The following ALG14 variants were observed in gnomAD, a reference collection of about 807,000 sequenced individuals.
ALG14 encodes the protein UDP-N-acetylglucosamine transferase subunit ALG14.
In ALG14, 17 loss-of-function variants were observed where a neutral mutation model predicts 22.8. The ratio of observed to expected loss-of-function variants is 0.75; its 90% CI spans 0.51 to 1.12. The LOEUF is 1.12. Ranked by LOEUF, ALG14 falls within the 50% of genes most tolerant of loss-of-function variation. ALG14 has a pLI of 0.00. For missense variants in ALG14, 288 were observed against 271.8 expected (o/e 1.06, Z -0.42); for synonymous variants, 89 against 103.7 (o/e 0.86, Z 0.86).
At chr1:95,031,628 C>T (rs1421706022) in intron 2 of ALG14, among the ~76,000 whole-genome samples, 1 of 152,160 alleles carries the variant, frequency 6.6e-6, no homozygotes, top group Admixed American at 6.5e-5. Flanking sequence ...TCTTTCCTGA[C>T]TAGCCTTTCT....
intron 2 of ALG14, among the ~76,000 whole-genome samples, chr1:95,061,045 G>T (rs901482915): frequency 6.6e-6 from 1 of 152,224 alleles, no homozygotes; most frequent in Non-Finnish European, 1.5e-5. Context: ...GAGTGACGTA[G>T]CTGCAAGCTA....
At chr1:95,064,760 C>T (rs1571680024) in intron 2 of ALG14, 106 bp downstream of exon 2, 1 of 904,082 alleles carries the variant, frequency 1.1e-6, no homozygotes, top group South Asian at 3.0e-5. Flanking sequence ...AAACATTTGA[C>T]TGCCCATTGT....
intron 1 of ALG14, 138 bp downstream of exon 1, chr1:95,072,625 C>G: frequency 7.6e-7 from 1 of 1,308,364 alleles, no homozygotes; most frequent in Non-Finnish European, 1.0e-6. Context: ...CTGCCCGGTT[C>G]CGGCAAGGCA....
chr1:95,053,615 C>A (rs949237998), intron 2 of ALG14, among the ~76,000 whole-genome samples: 3 of 152,058 alleles, frequency 2.0e-5, no homozygotes, highest in Non-Finnish European at 2.9e-5. Flanking sequence ...GGCTTGAGTG[C>A]AGTGGCATGA....
At chr1:95,051,312 C>G (rs1389889672) in intron 2 of ALG14, among the ~76,000 whole-genome samples, 1 of 152,166 alleles carries the variant, frequency 6.6e-6, no homozygotes, top group Non-Finnish European at 1.5e-5. Flanking sequence ...TTCTCTCACA[C>G]CCTACATCTT....
chr1:94,978,389 A>G lies in ALG14; in HGVS notation c.*4687T>C, dbSNP rs1672436475. On this transcript the variant is annotated 3_prime_UTR_variant, in exon 4 of 4. Coordinates refer to ENST00000370205, the MANE Select transcript of ALG14 (RefSeq NM_144988.4). ...TAATTTATGTATTTAATTAGTGCCTATGTTTTGTACAGAGCTGTGGTGTAA... is the reference window on the plus strand; with the variant it reads ...TAATTTATGTATTTAATTAGTGCCTGTGTTTTGTACAGAGCTGTGGTGTAA... 1 of 152,200 alleles carries G rather than the reference A, an allele frequency of 6.6e-6. No individual in the cohort carries two copies. Among genetic ancestry groups the G allele is most frequent in the East Asian group, 1.9e-4 (1 of 5,196 alleles). The allele number at this position is 152,200 out of a possible 1,614,324, so 9.4% of individuals were successfully genotyped here. A position where few individuals can be genotyped will look rare whatever the true frequency, so the allele number is the denominator to read the frequency against.
rs1027580600 is a variant in ALG14, at chr1:94,977,592, T to C, written c.*5484A>G. 2.0e-5 allele frequency: 3 copies of C among 152,206 alleles called. No individual in the cohort carries two copies. The highest frequency in any genetic ancestry group is 4.4e-5 in the Non-Finnish European group (3 of 68,026). The allele number at this position is 152,206 out of a possible 1,614,324, so 9.4% of individuals were successfully genotyped here. A position where few individuals can be genotyped will look rare whatever the true frequency, so the allele number is the denominator to read the frequency against. On this transcript the variant is annotated 3_prime_UTR_variant, in exon 4 of 4. Transcript: ENST00000370205. ...TCTTGCGTTTAAAATTTTTGTCTAG[T>C]TTCTACAATGGTAAATATTGACAAA...
At chr1:95,033,656 G>C (rs1047749879) in intron 2 of ALG14, among the ~76,000 whole-genome samples, 1 of 151,882 alleles carries the variant, frequency 6.6e-6, no homozygotes, top group African/African-American at 2.4e-5. Flanking sequence ...AGATCTATGA[G>C]GTTGCCAGGG....
rs533826478 is a variant in ALG14 at position 94,978,070 on chromosome 1, T to C, written c.*5006A>G. The C allele has an allele frequency of 2.1e-4, 31 of 147,036 alleles. No individual in the cohort carries two copies. Among genetic ancestry groups the C allele is most frequent in the African/African-American group, 7.6e-4 (31 of 40,538 alleles). 9.1% of individuals were successfully genotyped at this position (147,036 alleles called of 1,614,324 possible). A position where few individuals can be genotyped will look rare whatever the true frequency, so the allele number is the denominator to read the frequency against. On this transcript the variant is annotated 3_prime_UTR_variant, in exon 4 of 4. Transcript: ENST00000370205. The stretch of plus-strand genomic sequence containing the variant: ...AAGTCTGAAGCTATAATTTTTTTCT[T>C]TTTTTTTTTTTGAGGTGGAGTCTCG...
chr1:95,054,217 TGAA>T (rs1344486293), intron 2 of ALG14, among the ~76,000 whole-genome samples: 1 of 152,166 alleles, frequency 6.6e-6, no homozygotes. Context: ...TCCTCAGTGT[TGAA>T]GGAGGGGCCT....
intron 3 of ALG14, among the ~76,000 whole-genome samples, chr1:95,018,515 G>A (rs1481222822): frequency 1.3e-5 from 2 of 151,938 alleles, no homozygotes; most frequent in Non-Finnish European, 2.9e-5. Flanking sequence ...CAGCCTGGGT[G>A]ACAGAGCAAG....
At chr1:95,068,142 G>T (rs1203973655) in intron 1 of ALG14, among the ~76,000 whole-genome samples, 1 of 152,170 alleles carries the variant, frequency 6.6e-6, no homozygotes, top group Non-Finnish European at 1.5e-5. Context: ...ATTTGTGTTT[G>T]TTACTGCTGT....
chr1:94,994,965 C>G (rs1557942949), intron 3 of ALG14, among the ~76,000 whole-genome samples: 1 of 152,122 alleles, frequency 6.6e-6, no homozygotes, highest in Non-Finnish European at 1.5e-5. Flanking sequence ...AGTATTCGTC[C>G]TAAACAGGAA....
chr1:95,018,676 G>A (rs1673575720), intron 3 of ALG14, among the ~76,000 whole-genome samples: 1 of 152,154 alleles, frequency 6.6e-6, no homozygotes, highest in Non-Finnish European at 1.5e-5. Context: ...ACAGAGAGCA[G>A]GAAATTCACC....
chr1:95,032,459 T>A (rs768454979), intron 2 of ALG14, among the ~76,000 whole-genome samples: 10 of 151,968 alleles, frequency 6.6e-5, no homozygotes, highest in Non-Finnish European at 1.5e-4. Flanking sequence ...CCCCAAAGGT[T>A]GGGGAAACAG....
chr1:95,040,737 A>G (rs1266059525), intron 2 of ALG14, among the ~76,000 whole-genome samples: 2 of 152,160 alleles, frequency 1.3e-5, no homozygotes, highest in Non-Finnish European at 2.9e-5. Flanking sequence ...AAAACCAAAC[A>G]TTGGTGATTA....
intron 3 of ALG14, among the ~76,000 whole-genome samples, chr1:94,984,398 C>T (rs1557937371): frequency 6.6e-6 from 1 of 152,162 alleles, no homozygotes; most frequent in Non-Finnish European, 1.5e-5. Flanking sequence ...AGAAAGAGAG[C>T]CATCTTGCCT....
At chr1:95,062,161 T>C (rs1435615120) in intron 2 of ALG14, 1 of 152,184 alleles carries the variant, frequency 6.6e-6, no homozygotes, top group Admixed American at 6.5e-5. Flanking sequence ...GAAGAGCCAA[T>C]AAGCACATGA....
At chr1:94,992,735 T>C (rs775688201) in intron 3 of ALG14, among the ~76,000 whole-genome samples, 2 of 152,116 alleles carry the variant, frequency 1.3e-5, no homozygotes, top group East Asian at 1.9e-4. Flanking sequence ...TTCTAACATA[T>C]TCTCTTCTTG....
Sources: allele counts gnomAD v4.1 joint callset (sites outside exome capture counted in the v4.1 genomes callset), GRCh38; gene constraint gnomAD v4.1.1; transcripts MANE v1.5; gene names NCBI Gene and HGNC (gene_info 2026-07-23, HGNC 2026-07-21).